CUX1: variants seen among roughly 807,000 people sequenced by gnomAD.
CUX1 encodes the protein cut like homeobox 1.
A neutral mutation model predicts 158.8 loss-of-function variants in CUX1; 31 were observed. The observed-to-expected ratio is 0.20, with a 90% CI of 0.15 to 0.26. CUX1 has a LOEUF of 0.26. CUX1 is among the 10% of genes least tolerant of loss of function. The probability of loss-of-function intolerance (pLI) is 1.00; values close to 1 mark genes in which losing one functional copy is unlikely to be tolerated. For synonymous variants in CUX1, 879 were observed against 862.1 expected (o/e 1.02, Z -0.34); for missense variants, 1,589 against 2,014.6 (o/e 0.79, Z 4.04).
chr7:101,882,533 C>G (rs779992070), intron 1 of CUX1, among the ~76,000 whole-genome samples: 5 of 152,206 alleles, frequency 3.3e-5, no homozygotes, highest in Non-Finnish European at 5.9e-5. Context: ...CATGAAGACA[C>G]CTACAGAAAT....
At chr7:102,140,234 TTTTGTTTG>T (rs564626379) in intron 8 of CUX1, among the ~76,000 whole-genome samples, 20 of 152,004 alleles carry the variant, frequency 1.3e-4, no homozygotes, top group African/African-American at 2.2e-4. Flanking sequence ...GGGTTTGTTT[TTTTGTTTG>T]TTTGTTTGTT....
At chr7:102,134,400 T>C (rs1467913030) in intron 8 of CUX1, among the ~76,000 whole-genome samples, 1 of 152,206 alleles carries the variant, frequency 6.6e-6, no homozygotes, top group Non-Finnish European at 1.5e-5. Flanking sequence ...CCTTGGTCCT[T>C]AAAACATGAT....
At chr7:102,174,000 A>G (rs1235377703) in intron 10 of CUX1, among the ~76,000 whole-genome samples, 4 of 152,138 alleles carry the variant, frequency 2.6e-5, no homozygotes, top group Admixed American at 6.5e-5. Flanking sequence ...AGATCTAGCA[A>G]AGGCCAAAAC....
chr7:101,984,089 A>AAAAATATATATATAT (rs1221503978), intron 2 of CUX1, among the ~76,000 whole-genome samples: 1 of 29,846 alleles, frequency 3.4e-5, no homozygotes, highest in Non-Finnish European at 7.0e-5. Context: ...AAAAAAAAAA[A>AAAAATATATATATAT]ATATATATAT....
chr7:102,018,095 T>G, intron 2 of CUX1, among the ~76,000 whole-genome samples: 1 of 152,156 alleles, frequency 6.6e-6, no homozygotes, highest in South Asian at 2.1e-4. Flanking sequence ...TAGCTCGCAC[T>G]ATAGGCACTT....
Position 102,046,569 on chromosome 7 carries a change from A to ATTTTTTTTTTTTTTTTTTTT in CUX1, c.189+18432_189+18451dup, listed in dbSNP as rs55753644. On this transcript the variant is annotated intron_variant, in intron 3 of 23. Transcript: ENST00000292535. ...CCTGTTCTGTTTTGGTTTGGTTTGGATTTTTTTTTTTTTTTTTTTTTTTTT... is the reference window on the plus strand; with the variant it reads ...CCTGTTCTGTTTTGGTTTGGTTTGGATTTTTTTTTTTTTTTTTTTTTTTTTTTTTTTTTTTTTTTTTTTTT... 9.6e-4 allele frequency among the ~76,000 whole-genome samples: 53 copies of ATTTTTTTTTTTTTTTTTTTT among 55,480 alleles called. 3 individuals carry two copies. Among genetic ancestry groups the ATTTTTTTTTTTTTTTTTTTT allele is most frequent in the South Asian group, 1.4e-3 (2 of 1,382 alleles). 36.4% of individuals were successfully genotyped at this position (55,480 alleles called of 152,430 possible). A position where few individuals can be genotyped will look rare whatever the true frequency, so the allele number is the denominator to read the frequency against.
At chr7:102,178,383 G>T in intron 10 of CUX1, 86 bp from the exon 11 acceptor site, 1 of 1,303,252 alleles carries the variant, frequency 7.7e-7, no homozygotes, top group Non-Finnish European at 1.1e-6. Context: ...CATCTGTGCA[G>T]CTTCTGTCTC....
At chr7:102,243,907 A>G (rs1554535913) in intron 23 of CUX1, among the ~76,000 whole-genome samples, 1 of 152,018 alleles carries the variant, frequency 6.6e-6, no homozygotes, top group East Asian at 1.9e-4. Flanking sequence ...CATGCCTGTA[A>G]TCCCAGCTAC....
intron 1 of CUX1, among the ~76,000 whole-genome samples, chr7:101,845,122 C>T (rs1795552072): frequency 1.3e-5 from 2 of 151,886 alleles, no homozygotes; most frequent in South Asian, 4.2e-4. Flanking sequence ...GTACAGGTGT[C>T]AACCCTTCTT....
chr7:102,274,266 A>T, exon 16 of CUX1: 1 of 1,613,648 alleles, frequency 6.2e-7, no homozygotes, highest in Non-Finnish European at 8.5e-7. Context: ...CACCGCCTGG[A>T]GAAGATCCCA....
intron 3 of CUX1, among the ~76,000 whole-genome samples, chr7:102,055,348 A>T (rs1488896897): frequency 6.6e-6 from 1 of 152,156 alleles, no homozygotes. Context: ...CAAAAATGGA[A>T]GTCTGTAGCA....
intron 2 of CUX1, among the ~76,000 whole-genome samples, chr7:102,011,043 G>A (rs1243415827): frequency 1.3e-5 from 2 of 152,092 alleles, no homozygotes; most frequent in Admixed American, 1.3e-4. Context: ...AACCTGGGAG[G>A]CGGAGGTTGC....
At chr7:101,947,435 G>A (rs1248636368) in intron 2 of CUX1, among the ~76,000 whole-genome samples, 1 of 152,110 alleles carries the variant, frequency 6.6e-6, no homozygotes, top group African/African-American at 2.4e-5. Context: ...TTCTAGGCCC[G>A]AGCCCGAGCT....
At chr7:102,216,852 C>T (rs1797271575) in intron 20 of CUX1, among the ~76,000 whole-genome samples, 1 of 144,536 alleles carries the variant, frequency 6.9e-6, no homozygotes, top group African/African-American at 2.5e-5. Flanking sequence ...TTCTCTCTCC[C>T]TCACACACAC....
At chr7:101,944,759 C>T (rs934539571) in intron 2 of CUX1, among the ~76,000 whole-genome samples, 2 of 152,218 alleles carry the variant, frequency 1.3e-5, no homozygotes, top group African/African-American at 4.8e-5. Flanking sequence ...TGCTTTTCCT[C>T]CTGGAGGATG....
intron 3 of CUX1, among the ~76,000 whole-genome samples, chr7:102,052,445 G>A (rs1347345591): frequency 6.6e-6 from 1 of 152,114 alleles, no homozygotes; most frequent in East Asian, 1.9e-4. Flanking sequence ...CATCTATGCT[G>A]TAGCATATAC....
chr7:102,041,856 A>T (rs1314741668), intron 3 of CUX1, among the ~76,000 whole-genome samples: 1 of 151,824 alleles, frequency 6.6e-6, no homozygotes, highest in Non-Finnish European at 1.5e-5. Context: ...TTTAGTAGAG[A>T]CGGGATTTTG....
At chr7:102,170,206 A>G (rs1049880628) in intron 9 of CUX1, among the ~76,000 whole-genome samples, 2 of 152,228 alleles carry the variant, frequency 1.3e-5, no homozygotes, top group Non-Finnish European at 1.5e-5. Context: ...TAGTATCAGC[A>G]GGGGATTCCT....
chr7:101,826,878 T>A (rs1793364283), intron 1 of CUX1, among the ~76,000 whole-genome samples: 1 of 152,208 alleles, frequency 6.6e-6, no homozygotes, highest in African/African-American at 2.4e-5. Context: ...CCCCACTCTC[T>A]GCCTTGTGTG....
Sources: gnomAD v4.1 joint callset for allele counts (sites outside exome capture counted in the v4.1 genomes callset) on GRCh38, gnomAD v4.1.1 for gene constraint, MANE v1.5 for transcripts, NCBI Gene and HGNC (gene_info 2026-07-23, HGNC 2026-07-21) for gene names.